The following CDK7 variants were observed in gnomAD, a reference collection of about 807,000 sequenced individuals.
The protein encoded by CDK7 is cyclin-dependent kinase 7.
A neutral mutation model predicts 49.1 loss-of-function variants in CDK7; 25 were observed. The ratio of observed to expected loss-of-function variants is 0.51; its 90% CI spans 0.37 to 0.71. CDK7 has a LOEUF of 0.71. Ranked by LOEUF, CDK7 falls within the 30% of genes least tolerant of loss-of-function variation. CDK7 has a pLI of 0.00. For missense variants in CDK7, 316 were observed against 411.7 expected (o/e 0.77, Z 2.01); for synonymous variants, 107 against 140.0 (o/e 0.76, Z 1.67).
intron 8 of CDK7, among the ~76,000 whole-genome samples, chr5:69,267,215 C>T (rs143647686): frequency 3.8e-4 from 58 of 151,530 alleles, no homozygotes; most frequent in African/African-American, 1.4e-3. Context: ...TACTCTCCCA[C>T]ACTAGATATT....
intron 7 of CDK7, 43 bp from the exon 8 acceptor site, chr5:69,262,162 A>G (rs753714404): frequency 6.2e-7 from 1 of 1,612,186 alleles, no homozygotes; most frequent in East Asian, 2.2e-5. Context: ...AAGTGCTTTG[A>G]TAATTTCATG....
Position 69,268,675 on chromosome 5 carries a change from A to G in CDK7, c.628-532A>G, listed in dbSNP as rs186968176. On this transcript the variant is annotated intron_variant, in intron 8 of 11. Transcript: ENST00000256443. ...AGACCATTCTGGCTAACACGGTGAAACCCCATCTCTACTAAAAATACAAAA... is the reference window on the plus strand; with the variant it reads ...AGACCATTCTGGCTAACACGGTGAAGCCCCATCTCTACTAAAAATACAAAA... Among the ~76,000 whole-genome samples, 955 of 151,370 alleles carry G rather than the reference A, an allele frequency of 6.3e-3. 5 individuals are homozygous for G. Among genetic ancestry groups the G allele is most frequent in the Non-Finnish European group, 0.011 (727 of 67,878 alleles).
chr5:69,240,150 A>G (rs1299157809), intron 2 of CDK7, among the ~76,000 whole-genome samples: 1 of 152,112 alleles, frequency 6.6e-6, no homozygotes, highest in Non-Finnish European at 1.5e-5. Context: ...TTCTGGGCAC[A>G]CTATTCTGTT....
At chr5:69,268,372 T>TTA (rs754647922) in intron 8 of CDK7, among the ~76,000 whole-genome samples, 19 of 152,204 alleles carry the variant, frequency 1.2e-4, no homozygotes, top group Non-Finnish European at 2.8e-4. Flanking sequence ...ACAAGGCCTG[T>TTA]TATATGGGAA....
intron 9 of CDK7, among the ~76,000 whole-genome samples, chr5:69,271,637 G>C (rs1387774271): frequency 1.3e-5 from 2 of 151,058 alleles, no homozygotes. Context: ...TCAGCCTCTT[G>C]AGTAGCTGGG....
intron 2 of CDK7, among the ~76,000 whole-genome samples, chr5:69,238,263 A>G (rs908427438): frequency 4.7e-5 from 7 of 148,510 alleles, no homozygotes; most frequent in African/African-American, 1.7e-4. Flanking sequence ...AACAATATAT[A>G]GTATTGCATA....
At chr5:69,274,735 C>T (rs528340318) in intron 10 of CDK7, among the ~76,000 whole-genome samples, 1 of 152,196 alleles carries the variant, frequency 6.6e-6, no homozygotes, top group East Asian at 1.9e-4. Flanking sequence ...CCTGTCTCAG[C>T]CTCCCTAGTA....
intron 8 of CDK7, among the ~76,000 whole-genome samples, chr5:69,268,154 G>C (rs1441636605): frequency 6.6e-6 from 1 of 152,050 alleles, no homozygotes; most frequent in Non-Finnish European, 1.5e-5. Flanking sequence ...AGAGAGACAG[G>C]GTTTCAGCAT....
At chr5:69,269,158 TAA>T (rs59967147) in intron 8 of CDK7, 47 bp from the exon 9 acceptor site, 720 of 1,044,120 alleles carry the variant, frequency 6.9e-4, no homozygotes, top group African/African-American at 1.1e-3. Flanking sequence ...AGAAAAAAAT[TAA>T]AAAAAAAAAA....
At chr5:69,250,869 CA>C in intron 2 of CDK7, 1 of 456,642 alleles carries the variant, frequency 2.2e-6, no homozygotes, top group Non-Finnish European at 4.4e-6. Flanking sequence ...ATTCAGGGCC[CA>C]GGGGCTCTAT....
At chr5:69,262,861 G>A (rs552046769) in intron 8 of CDK7, among the ~76,000 whole-genome samples, 21 of 152,172 alleles carry the variant, frequency 1.4e-4, no homozygotes, top group African/African-American at 5.1e-4. Flanking sequence ...TCAGAACATA[G>A]AAATTCACTT....
intron 2 of CDK7, among the ~76,000 whole-genome samples, chr5:69,236,872 G>A (rs1423289842): frequency 1.3e-5 from 2 of 149,984 alleles, no homozygotes; most frequent in Admixed American, 6.7e-5. Flanking sequence ...GGCTGGTCTC[G>A]AACTCCTGAC....
chr5:69,238,385 A>C (rs1359517373), intron 2 of CDK7, among the ~76,000 whole-genome samples: 1 of 151,216 alleles, frequency 6.6e-6, no homozygotes, highest in Non-Finnish European at 1.5e-5. Context: ...CCTGGTCTCA[A>C]GCATTCCATC....
At chr5:69,249,382 T>C (rs905968413) in intron 2 of CDK7, among the ~76,000 whole-genome samples, 3 of 148,932 alleles carry the variant, frequency 2.0e-5, no homozygotes, top group East Asian at 2.0e-4. Context: ...CTCTACAGAA[T>C]ATAGAAAAAT....
At chr5:69,250,074 T>A (rs902872821) in intron 2 of CDK7, among the ~76,000 whole-genome samples, 1 of 152,258 alleles carries the variant, frequency 6.6e-6, no homozygotes, top group Non-Finnish European at 1.5e-5. Flanking sequence ...TGACCCTTAG[T>A]GCCTAATTTA....
chr5:69,259,765 C>T, intron 6 of CDK7, 53 bp from the exon 7 acceptor site: 1 of 1,108,334 alleles, frequency 9.0e-7, no homozygotes, highest in Non-Finnish European at 1.4e-6. Flanking sequence ...TGTAGCACTA[C>T]AGTGTTCTCC....
rs34886081 is a variant in CDK7 at position 69,251,097 on chromosome 5, C to CT, written c.127-1304dup. ...GGCACATGCAACCATGCCCCGGTAA[C>CT]TTTTTTTTTTTTTTTTTCGAGACAG... is the stretch of plus-strand genomic sequence containing the variant. On this transcript the variant is annotated intron_variant, in intron 2 of 11. Coordinates refer to ENST00000256443, the MANE Select transcript of CDK7 (RefSeq NM_001799.4). Among the ~76,000 whole-genome samples, 676 of 135,822 alleles carry CT rather than the reference C, an allele frequency of 5.0e-3. 8 individuals are homozygous for CT. The highest frequency in any genetic ancestry group is 0.011 in the African/African-American group (401 of 37,318). 89.1% of individuals were successfully genotyped at this position (135,822 alleles called of 152,430 possible). A position where few individuals can be genotyped will look rare whatever the true frequency, so the allele number is the denominator to read the frequency against.
intron 3 of CDK7, among the ~76,000 whole-genome samples, chr5:69,253,728 G>C (rs1199942058): frequency 6.6e-6 from 1 of 152,136 alleles, no homozygotes; most frequent in Non-Finnish European, 1.5e-5. Flanking sequence ...GTCTAGTAGT[G>C]GTGTTCAGAT....
In CDK7 at chr5:69,241,307, G is replaced by GTTTTTTTTTTTTTTTTTTTTT. The variant is rs1749355577; in HGVS notation, c.126+5860_126+5861insTTTTTTTTTTTTTTTTTTTTT. 3.5e-5 allele frequency among the ~76,000 whole-genome samples: 4 copies of GTTTTTTTTTTTTTTTTTTTTT among 112,944 alleles called. 1 individual carries two copies. Among genetic ancestry groups the GTTTTTTTTTTTTTTTTTTTTT allele is most frequent in the African/African-American group, 6.6e-5 (2 of 30,168 alleles). 74.1% of individuals were successfully genotyped at this position (112,944 alleles called of 152,430 possible). A position where few individuals can be genotyped will look rare whatever the true frequency, so the allele number is the denominator to read the frequency against. On this transcript the variant is annotated intron_variant, in intron 2 of 11. Coordinates refer to ENST00000256443, the MANE Select transcript of CDK7 (RefSeq NM_001799.4). ...TAGGTGAGATGCTCTCTCATTGTAG[G>GTTTTTTTTTTTTTTTTTTTTT]TTTTTTCTTTTTTTTTTTTTTTTTT... is the stretch of plus-strand genomic sequence containing the variant.
Sources: allele counts gnomAD v4.1 joint callset (sites outside exome capture counted in the v4.1 genomes callset), GRCh38; gene constraint gnomAD v4.1.1; transcripts MANE v1.5; gene names NCBI Gene and HGNC (gene_info 2026-07-23, HGNC 2026-07-21).